CHRM5: variants seen among roughly 807,000 people sequenced by gnomAD.
CHRM5 encodes the protein cholinergic receptor muscarinic 5.
CHRM5 carries 18 observed loss-of-function variants against 39.0 expected under a neutral mutation model. The ratio of observed to expected loss-of-function variants is 0.46; its 90% CI spans 0.32 to 0.68. The LOEUF (loss-of-function observed/expected upper bound fraction) is 0.68. CHRM5 is among the 30% of genes least tolerant of loss of function. The pLI, the probability that CHRM5 is intolerant of heterozygous loss-of-function variation, is 0.04. For missense variants in CHRM5, 515 were observed against 651.1 expected (o/e 0.79, Z 2.28); for synonymous variants, 241 against 246.3 (o/e 0.98, Z 0.20).
At chr15:33,986,799 G>A (rs530869321) in intron 1 of CHRM5, among the ~76,000 whole-genome samples, 1 of 152,142 alleles carries the variant, frequency 6.6e-6, no homozygotes, top group African/African-American at 2.4e-5. Context: ...TGGGACTACA[G>A]GCACGTGCCA....
rs1895500693 is a variant in CHRM5, at chr15:33,968,808, A to C, written c.-750A>C. 1 of 152,140 alleles carries C rather than the reference A, an allele frequency of 6.6e-6. No homozygotes were observed. The highest frequency in any genetic ancestry group is 6.6e-5 in the Admixed American group (1 of 15,262). The allele number at this position is 152,140 out of a possible 1,614,324, so 9.4% of individuals were successfully genotyped here. ...AGAACTTTTCCAGGGGGTCAAATGCATATAGGAACAACCAGGATTTCTCAT... is the reference window on the plus strand; with the variant it reads ...AGAACTTTTCCAGGGGGTCAAATGCCTATAGGAACAACCAGGATTTCTCAT... On this transcript the variant is annotated 5_prime_UTR_variant, in exon 1 of 3. Coordinates refer to ENST00000383263, the MANE Select transcript of CHRM5 (RefSeq NM_012125.4).
intron 1 of CHRM5, chr15:34,039,155 G>A (rs951227239): frequency 2.9e-4 from 273 of 935,416 alleles, no homozygotes; most frequent in East Asian, 2.0e-3. Flanking sequence ...AAGGCGCCCG[G>A]TAGCAGCGAG....
intron 1 of CHRM5, among the ~76,000 whole-genome samples, chr15:34,030,530 T>G (rs1898735758): frequency 6.6e-6 from 1 of 152,012 alleles, no homozygotes; most frequent in Non-Finnish European, 1.5e-5. Context: ...GTATTTTTAG[T>G]AGAGACAGGG....
At chr15:33,969,953 G>C (rs971974560) in intron 1 of CHRM5, among the ~76,000 whole-genome samples, 2 of 151,976 alleles carry the variant, frequency 1.3e-5, no homozygotes, top group African/African-American at 4.8e-5. Context: ...ACAATCTTAT[G>C]TAAAAACAAC....
At chr15:34,045,127 A>G (rs983381890) in intron 1 of CHRM5, among the ~76,000 whole-genome samples, 5 of 152,230 alleles carry the variant, frequency 3.3e-5, no homozygotes, top group African/African-American at 9.6e-5. Context: ...AATTTGGTCT[A>G]AAAACTCAAC....
intron 1 of CHRM5, chr15:34,007,177 T>C: frequency 2.5e-6 from 1 of 400,156 alleles, no homozygotes; most frequent in Non-Finnish European, 3.4e-6. Context: ...CACACACAAA[T>C]CCATTTAAAA....
chr15:34,052,297 C>T (rs938608494), intron 2 of CHRM5, among the ~76,000 whole-genome samples: 8 of 152,064 alleles, frequency 5.3e-5, no homozygotes, highest in African/African-American at 1.9e-4. Context: ...AAATTTAAAT[C>T]CCTTCATATT....
At chr15:34,039,548 ATG>A (rs1212356046) in intron 1 of CHRM5, among the ~76,000 whole-genome samples, 1 of 152,144 alleles carries the variant, frequency 6.6e-6, no homozygotes, top group Non-Finnish European at 1.5e-5. Context: ...TCAGCAACGA[ATG>A]TGTATCATTT....
At chr15:34,046,482 G>A (rs992853781) in intron 1 of CHRM5, 58 bp from the exon 2 acceptor site, 2 of 152,172 alleles carry the variant, frequency 1.3e-5, no homozygotes, top group Non-Finnish European at 2.9e-5. Flanking sequence ...ACTGCACATT[G>A]CAGTTGGAAA....
At chr15:33,974,668 ACAACTTAAGATTTTGAG>A (rs1227331912) in intron 1 of CHRM5, among the ~76,000 whole-genome samples, 1 of 152,190 alleles carries the variant, frequency 6.6e-6, no homozygotes, top group African/African-American at 2.4e-5. Flanking sequence ...GTTGGCGTGC[ACAACTTAAGATTTTGAG>A]CTTTGGGCCG....
At chr15:33,972,095 T>C (rs1895662219) in intron 1 of CHRM5, 1 of 152,180 alleles carries the variant, frequency 6.6e-6, no homozygotes, top group Non-Finnish European at 1.5e-5. Flanking sequence ...TGTCACTTTT[T>C]CAGCATCAAC....
chr15:34,039,339 T>G (rs969035352), intron 1 of CHRM5, among the ~76,000 whole-genome samples: 25 of 150,646 alleles, frequency 1.7e-4, no homozygotes, highest in African/African-American at 6.1e-4. Context: ...GCATCAGAGA[T>G]AGGTTGGGGG....
intron 1 of CHRM5, among the ~76,000 whole-genome samples, chr15:34,003,573 T>C (rs962900439): frequency 6.6e-6 from 1 of 152,238 alleles, no homozygotes; most frequent in African/African-American, 2.4e-5. Flanking sequence ...TCCCTTTCAA[T>C]TTATGGATAT....
chr15:34,051,226 C>A (rs1200169026), intron 2 of CHRM5, among the ~76,000 whole-genome samples: 4 of 152,192 alleles, frequency 2.6e-5, no homozygotes, highest in African/African-American at 9.7e-5. Context: ...GGAAACTGAA[C>A]AACCTACTCC....
chr15:34,045,234 G>C (rs1899642962), intron 1 of CHRM5, among the ~76,000 whole-genome samples: 1 of 152,070 alleles, frequency 6.6e-6, no homozygotes, highest in South Asian at 2.1e-4. Flanking sequence ...ACAGCAGCTG[G>C]CACACTAGTG....
At chr15:34,061,696 C>T (rs1900339345) in intron 2 of CHRM5, among the ~76,000 whole-genome samples, 1 of 152,054 alleles carries the variant, frequency 6.6e-6, no homozygotes, top group South Asian at 2.1e-4. Context: ...AAAAGATAAC[C>T]TAAAACAATT....
At chr15:34,006,950 C>T in intron 1 of CHRM5, 1 of 526,204 alleles carries the variant, frequency 1.9e-6, no homozygotes, top group Non-Finnish European at 2.4e-6. Flanking sequence ...AAATACTGAT[C>T]AGAAAACAAG....
chr15:34,026,228 T>A (rs185917558), intron 1 of CHRM5, among the ~76,000 whole-genome samples: 4 of 152,186 alleles, frequency 2.6e-5, no homozygotes, highest in Non-Finnish European at 5.9e-5. Context: ...CCCAGTTTTA[T>A]GAGAAAAGAA....
chr15:34,003,914 T>TA (rs1897233444), intron 1 of CHRM5, among the ~76,000 whole-genome samples: 1 of 152,238 alleles, frequency 6.6e-6, no homozygotes, highest in Non-Finnish European at 1.5e-5. Flanking sequence ...TCTGATGTTA[T>TA]ATATTGACTC....
Sources: gnomAD v4.1 joint callset for allele counts (sites outside exome capture counted in the v4.1 genomes callset) on GRCh38, gnomAD v4.1.1 for gene constraint, MANE v1.5 for transcripts, NCBI Gene and HGNC (gene_info 2026-07-23, HGNC 2026-07-21) for gene names.